The following ATXN10 variants were observed in gnomAD, a reference collection of about 807,000 sequenced individuals.
ATXN10 encodes the protein ataxin-10.
Under a neutral mutation model 52.9 loss-of-function variants are expected in ATXN10, and 28 were observed. That is an observed-to-expected ratio of 0.53 (90% CI 0.39 to 0.73). The LOEUF is 0.73. Ranked by LOEUF, ATXN10 falls within the 30% of genes least tolerant of loss-of-function variation. The pLI is 0.00. For synonymous variants in ATXN10, 226 were observed against 221.5 expected (o/e 1.02, Z -0.18); for missense variants, 565 against 577.0 (o/e 0.98, Z 0.21).
rs1926462463 is a variant in ATXN10 at position 45,763,224 on chromosome 22, G to A, written c.1173+22686G>A. ...TTCTGGGGGCAGGGAGGTGGTGGGA[G>A]AATCTGGAGAGCTGGAGAGAGTGAG... On this transcript the variant is annotated intron_variant, in intron 9 of 11. Transcript: ENST00000252934. The surrounding 1 kb of genome is among the most constrained non-coding windows in gnomAD (Gnocchi z 6.9). Among the ~76,000 whole-genome samples the A allele has an allele frequency of 6.6e-6, 1 of 152,174 alleles. No individual in the cohort carries two copies. The highest frequency in any genetic ancestry group is 1.5e-5 in the Non-Finnish European group (1 of 68,034).
rs1478359888 is a variant in ATXN10, at chr22:45,795,507, T to TG, written c.1174-11452_1174-11451insG. Among the ~76,000 whole-genome samples, 1 of 151,894 alleles carries TG rather than the reference T, an allele frequency of 6.6e-6. No individual in the cohort carries two copies. The highest frequency in any genetic ancestry group is 1.5e-5 in the Non-Finnish European group (1 of 67,994). Reference sequence around the variant, plus strand: ...CTCACTGCAACCTCTGCCTACCAGGTTCAAGCAATTCTCCTGCCTCAGCCT... The same window carrying TG: ...CTCACTGCAACCTCTGCCTACCAGGTGTCAAGCAATTCTCCTGCCTCAGCCT... On this transcript the variant is annotated intron_variant, in intron 9 of 11. Transcript: ENST00000252934. The surrounding 1 kb of genome is among the most constrained non-coding windows in gnomAD (Gnocchi z 4.6).
At chr22:45,686,150 A>C (rs185126369) in intron 1 of ATXN10, among the ~76,000 whole-genome samples, 46 of 152,262 alleles carry the variant, frequency 3.0e-4, no homozygotes, top group Admixed American at 2.7e-3. Context: ...CTCAAAGGGT[A>C]CTGATTTCAC....
chr22:45,738,873 A>G, intron 8 of ATXN10, 34 bp downstream of exon 8: 2 of 1,550,488 alleles, frequency 1.3e-6, no homozygotes, highest in Non-Finnish European at 1.8e-6. Context: ...ATTTTTAGCT[A>G]AGAAATCTTT....
chr22:45,713,009 C>A (rs1467260481), intron 5 of ATXN10, among the ~76,000 whole-genome samples: 2 of 151,908 alleles, frequency 1.3e-5, no homozygotes, highest in Non-Finnish European at 1.5e-5. Context: ...TGATTGAAAT[C>A]TATTTTACTC....
rs547786587 is a variant in ATXN10, at chr22:45,805,751, G to A, written c.1174-1208G>A. Among the ~76,000 whole-genome samples, 2 of 152,156 alleles carry A rather than the reference G, an allele frequency of 1.3e-5. No individual in the cohort carries two copies. Among genetic ancestry groups the A allele is most frequent in the African/African-American group, 2.4e-5 (1 of 41,442 alleles). ...GTGTGGAGTTTCTTTTAGGGGTGAG[G>A]AAAATGTTGGAAAATTGGATCATGC... On this transcript the variant is annotated intron_variant, in intron 9 of 11. Coordinates refer to ENST00000252934, the MANE Select transcript of ATXN10 (RefSeq NM_013236.4). The surrounding 1 kb of genome is among the most constrained non-coding windows in gnomAD (Gnocchi z 4.4).
intron 5 of ATXN10, among the ~76,000 whole-genome samples, chr22:45,703,617 C>T (rs556361675): frequency 1.3e-5 from 2 of 152,272 alleles, no homozygotes; most frequent in South Asian, 4.2e-4. Context: ...TTACAACAAT[C>T]TACTTTTAGG....
At chr22:45,721,209 A>G (rs1321740826) in intron 6 of ATXN10, among the ~76,000 whole-genome samples, 2 of 152,334 alleles carry the variant, frequency 1.3e-5, no homozygotes, top group South Asian at 2.1e-4. Context: ...GCCTACATTT[A>G]CATACTTGTC....
At chr22:45,810,531 C>T (rs1170130171) in intron 10 of ATXN10, among the ~76,000 whole-genome samples, 1 of 152,200 alleles carries the variant, frequency 6.6e-6, no homozygotes, top group Non-Finnish European at 1.5e-5. Flanking sequence ...TTTAAAGCCC[C>T]CACATACTGA....
chr22:45,748,414 G>C (rs1214584568), intron 9 of ATXN10, among the ~76,000 whole-genome samples: 1 of 152,168 alleles, frequency 6.6e-6, no homozygotes, highest in Non-Finnish European at 1.5e-5. Context: ...TTTTCTAATA[G>C]ATGGGGCTTT....
chr22:45,802,538 T>G, intron 9 of ATXN10, among the ~76,000 whole-genome samples: 1 of 152,238 alleles, frequency 6.6e-6, no homozygotes, highest in South Asian at 2.1e-4. Context: ...TTTGTCATAA[T>G]GCCGCTGTCA....
At chr22:45,675,750 C>A (rs140055134) in intron 1 of ATXN10, 1 of 152,290 alleles carries the variant, frequency 6.6e-6, no homozygotes. Context: ...AAATTTTGGG[C>A]TAATTTGCTA....
At chr22:45,782,960 G>T (rs1454311611) in intron 9 of ATXN10, among the ~76,000 whole-genome samples, 1 of 150,120 alleles carries the variant, frequency 6.7e-6, no homozygotes, top group African/African-American at 2.4e-5. Flanking sequence ...TGGTAAACTA[G>T]AACAATTACA....
In ATXN10 at chr22:45,690,122, A is replaced by G. The variant is rs1039820706; in HGVS notation, c.308+219A>G. On this transcript the variant is annotated intron_variant, in intron 2 of 11. Coordinates refer to ENST00000252934, the MANE Select transcript of ATXN10 (RefSeq NM_013236.4). The surrounding 1 kb of genome is among the most constrained non-coding windows in gnomAD (Gnocchi z 4.5). ...ACCCTGTCTCTACAAAAAAAATACA[A>G]AAAATTAGCTGGACATGGTGGCGCA... Among the ~76,000 whole-genome samples the G allele has an allele frequency of 1.4e-4, 22 of 152,052 alleles. No homozygotes were observed. The highest frequency in any genetic ancestry group is 5.2e-4 in the Admixed American group (8 of 15,270).
intron 6 of ATXN10, among the ~76,000 whole-genome samples, chr22:45,726,737 G>C (rs552571784): frequency 6.6e-6 from 1 of 152,230 alleles, no homozygotes; most frequent in African/African-American, 2.4e-5. Flanking sequence ...ACCTAGGCTG[G>C]TGTGCAGTGG....
chr22:45,746,381 GA>G (rs555881127), intron 9 of ATXN10, among the ~76,000 whole-genome samples: 3 of 149,282 alleles, frequency 2.0e-5, no homozygotes, highest in East Asian at 3.9e-4. Flanking sequence ...ATGAAAAACT[GA>G]AAAAAAAAGT....
chr22:45,769,781 A>T lies in ATXN10; in HGVS notation c.1173+29243A>T, dbSNP rs1307973848. 6.6e-6 allele frequency among the ~76,000 whole-genome samples: 1 copy of T among 152,182 alleles called. No individual in the cohort carries two copies. Among genetic ancestry groups the T allele is most frequent in the African/African-American group, 2.4e-5 (1 of 41,444 alleles). ...CAAGATGTCTGCCAGGTGCTCAGAA[A>T]ATATCTGATGAATGAATTTACTCTG... On this transcript the variant is annotated intron_variant, in intron 9 of 11. Coordinates refer to ENST00000252934, the MANE Select transcript of ATXN10 (RefSeq NM_013236.4). The surrounding 1 kb of genome is among the most constrained non-coding windows in gnomAD (Gnocchi z 4.2).
intron 10 of ATXN10, among the ~76,000 whole-genome samples, chr22:45,817,851 C>G (rs1294451467): frequency 1.3e-5 from 2 of 151,942 alleles, no homozygotes; most frequent in African/African-American, 4.8e-5. Flanking sequence ...TAAGAGCAGC[C>G]CACCGCCACC....
chr22:45,800,597 C>T (rs1400630793), intron 9 of ATXN10, among the ~76,000 whole-genome samples: 1 of 152,164 alleles, frequency 6.6e-6, no homozygotes, highest in Non-Finnish European at 1.5e-5. Flanking sequence ...CGTAGGTATC[C>T]ACCCAAAAAA....
intron 10 of ATXN10, among the ~76,000 whole-genome samples, chr22:45,834,955 TG>T (rs1375408976): frequency 6.6e-6 from 1 of 152,196 alleles, no homozygotes; most frequent in Non-Finnish European, 1.5e-5. Flanking sequence ...GAAGTGGTAT[TG>T]GTTGTTTCTG....
Sources: gnomAD v4.1 joint callset for allele counts (sites outside exome capture counted in the v4.1 genomes callset) on GRCh38, gnomAD v4.1.1 for gene constraint, Gnocchi (gnomAD v3.1) non-coding constraint, MANE v1.5 for transcripts, NCBI Gene and HGNC (gene_info 2026-07-23, HGNC 2026-07-21) for gene names.